LRP1: variants seen among roughly 807,000 people sequenced by gnomAD.
The protein encoded by LRP1 is LDL receptor related protein 1, also known as prolow-density lipoprotein receptor-related protein 1.
LRP1 carries 51 observed loss-of-function variants against 541.5 expected under a neutral mutation model. The ratio of observed to expected loss-of-function variants is 0.09; its 90% confidence interval spans 0.08 to 0.12. LRP1 has a LOEUF of 0.12. Ranked by LOEUF, LRP1 falls within the 10% of genes least tolerant of loss-of-function variation. The pLI, the probability that LRP1 is intolerant of heterozygous loss-of-function variation, is 1.00. For missense variants in LRP1, 3,878 were observed against 6,376.2 expected (o/e 0.61, Z 13.34); for synonymous variants, 2,219 against 2,470.8 (o/e 0.90, Z 3.02).
intron 43 of LRP1, 63 bp from the exon 44 acceptor site, chr12:57,191,257 T>G (rs1592646443): frequency 6.8e-7 from 1 of 1,477,912 alleles, no homozygotes; most frequent in African/African-American, 1.4e-5. Flanking sequence ...CAGGCTGTGG[T>G]CCGGTGGAGA....
chr12:57,176,443 C>T (rs1352550403), intron 24 of LRP1, among the ~76,000 whole-genome samples: 6 of 152,352 alleles, frequency 3.9e-5, no homozygotes, highest in Middle Eastern at 3.4e-3. Context: ...CAGCGTGGTG[C>T]ACCCCAGACT....
intron 49 of LRP1, 30 bp downstream of exon 49, chr12:57,194,533 T>A (rs773416068): frequency 6.2e-7 from 1 of 1,611,650 alleles, no homozygotes; most frequent in Admixed American, 1.7e-5. Context: ...TGGTGGGTGG[T>A]GGCCTGCGGT....
rs749545383 is a variant in LRP1 at position 57,195,921 on chromosome 12, C to T, written c.8619C>T (p.Ser2873=). The change falls in exon 54 of 89, where the codon TCC becomes TCT. Residue 2873 remains serine, a synonymous_variant. Coordinates refer to ENST00000243077, the MANE Select transcript of LRP1 (RefSeq NM_002332.3). Reference sequence around the variant, plus strand: ...GTGCCAATGGGCGCTGTCTGAGCTCCCGCCAGTGGGAGTGTGATGGCGAGA... The same window carrying T: ...GTGCCAATGGGCGCTGTCTGAGCTCTCGCCAGTGGGAGTGTGATGGCGAGA... The part of the protein sequence containing the change: ...FRCANGRCLS[S]RQWECDGEND... 5.6e-6 allele frequency: 9 copies of T among 1,613,764 alleles called. No individual in the cohort carries two copies. Among genetic ancestry groups the T allele is most frequent in the Non-Finnish European group, 7.6e-6 (9 of 1,180,018 alleles).
rs771171734 is a variant in LRP1 at position 57,179,182 on chromosome 12, CA to C, written c.4739-146del. On this transcript the variant is annotated intron_variant, in intron 28 of 88. Transcript: ENST00000243077. This position sits in a 1 kb window ranked among gnomAD's most constrained non-coding sequence, Gnocchi z 6.8. ...CTGTGAGAAGGGGCTGCAGGTCTGCCAGGGGGGCTGCACCCAGCGGGGTATG... is the reference window on the plus strand; with the variant it reads ...CTGTGAGAAGGGGCTGCAGGTCTGCCGGGGGGCTGCACCCAGCGGGGTATG... The C allele has an allele frequency of 2.0e-4, 234 of 1,191,946 alleles. 2 individuals are homozygous for C. Among genetic ancestry groups the C allele is most frequent in the South Asian group, 2.6e-4 (18 of 68,052 alleles). 73.8% of individuals were successfully genotyped at this position (1,191,946 alleles called of 1,614,324 possible). A position where few individuals can be genotyped will look rare whatever the true frequency, so the allele number is the denominator to read the frequency against.
At position 57,179,182 on chromosome 12, in the gene LRP1, C is replaced by T; in HGVS notation, c.4739-147C>T. On this transcript the variant is annotated intron_variant, in intron 28 of 88. Transcript: ENST00000243077. This position sits in a 1 kb window ranked among gnomAD's most constrained non-coding sequence, Gnocchi z 6.8. ...CTGTGAGAAGGGGCTGCAGGTCTGC[C>T]AGGGGGGCTGCACCCAGCGGGGTAT... 7.5e-6 allele frequency: 9 copies of T among 1,192,064 alleles called. No individual in the cohort carries two copies. In the Middle Eastern group the frequency reaches 1.1e-3, roughly 148 times the overall value. The allele number at this position is 1,192,064 out of a possible 1,614,324, so 73.8% of individuals were successfully genotyped here. A position where few individuals can be genotyped will look rare whatever the true frequency, so the allele number is the denominator to read the frequency against.
In LRP1 at chr12:57,199,113, AC is replaced by A. The variant is rs1050801961; in HGVS notation, c.9677-97del. 202 of 1,112,718 alleles carry A rather than the reference AC, an allele frequency of 1.8e-4. No individual in the cohort carries two copies. In the Middle Eastern group the frequency reaches 1.8e-3, roughly 10 times the overall value. The allele number at this position is 1,112,718 out of a possible 1,614,324, so 68.9% of individuals were successfully genotyped here. A position where few individuals can be genotyped will look rare whatever the true frequency, so the allele number is the denominator to read the frequency against. On this transcript the variant is annotated intron_variant, in intron 60 of 88. Coordinates refer to ENST00000243077, the MANE Select transcript of LRP1 (RefSeq NM_002332.3). The stretch of plus-strand genomic sequence containing the variant: ...CCATCTGTAACTGGGGCTGACACCC[AC>A]CTCTCAGGGTGGTGGTAGGGCTTGA...
chr12:57,203,153 TG>T, intron 68 of LRP1, 27 bp from the exon 69 acceptor site: 1 of 1,501,642 alleles, frequency 6.7e-7, no homozygotes, highest in Non-Finnish European at 9.0e-7. Context: ...CCCACCCTCC[TG>T]GGCCTGTCTC....
At chr12:57,144,040 A>C (rs530405252) in intron 4 of LRP1, among the ~76,000 whole-genome samples, 1 of 152,246 alleles carries the variant, frequency 6.6e-6, no homozygotes, top group Non-Finnish European at 1.5e-5. Context: ...GTAAAAAATT[A>C]GAGCATTAAC....
At chr12:57,187,641 T>A (rs564075133) in intron 42 of LRP1, among the ~76,000 whole-genome samples, 185 bp downstream of exon 42, 1 of 152,290 alleles carries the variant, frequency 6.6e-6, no homozygotes, top group East Asian at 1.9e-4. Flanking sequence ...TCTTCTGTGA[T>A]ACAAGCTGGC....
At chr12:57,136,402 C>CCA (rs1555179776) in intron 1 of LRP1, among the ~76,000 whole-genome samples, 2 of 146,592 alleles carry the variant, frequency 1.4e-5, no homozygotes, top group African/African-American at 5.0e-5. Context: ...AGAGCCCCCC[C>CCA]CCCCCGCCAT....
intron 11 of LRP1, among the ~76,000 whole-genome samples, chr12:57,159,296 G>A (rs1052962837): frequency 6.6e-6 from 1 of 152,122 alleles, no homozygotes; most frequent in African/African-American, 2.4e-5. Context: ...AAAATCAACA[G>A]TCAGCAATCA....
At chr12:57,150,244 TGCAGTGA>T (rs2035501856) in intron 6 of LRP1, among the ~76,000 whole-genome samples, 1 of 131,838 alleles carries the variant, frequency 7.6e-6, no homozygotes, top group African/African-American at 2.9e-5. Flanking sequence ...CAGGCTGGAG[TGCAGTGA>T]TGCAATCTTG....
At chr12:57,193,364 C>A in intron 46 of LRP1, 60 bp downstream of exon 46, 1 of 1,590,710 alleles carries the variant, frequency 6.3e-7, no homozygotes, top group Non-Finnish European at 8.5e-7. Flanking sequence ...CCTCCTCCCC[C>A]AGGCCCCTGC....
chr12:57,198,461 C>T lies in LRP1; in HGVS notation c.9471-4C>T, dbSNP rs1176832117. On this transcript the variant is annotated splice_polypyrimidine_tract_variant and splice_region_variant and intron_variant, in intron 59 of 88. Coordinates refer to ENST00000243077, the MANE Select transcript of LRP1 (RefSeq NM_002332.3). ...CCCAGGGCTCACTGCCTACCCATCGCCAGGTACCTGTACTGGACAGACTGG... is the reference window on the plus strand; with the variant it reads ...CCCAGGGCTCACTGCCTACCCATCGTCAGGTACCTGTACTGGACAGACTGG... 1 of 1,613,082 alleles carries T rather than the reference C, an allele frequency of 6.2e-7. No individual in the cohort carries two copies. Among genetic ancestry groups the T allele is most frequent in the East Asian group, 2.2e-5 (1 of 44,856 alleles).
intron 1 of LRP1, 84 bp downstream of exon 1, chr12:57,129,115 G>A (rs911673291): frequency 1.0e-5 from 14 of 1,377,536 alleles, no homozygotes; most frequent in Non-Finnish European, 1.3e-5. Flanking sequence ...GGGGAAGGGA[G>A]ACGCGGGAGG....
rs558933991 is a variant in LRP1, at chr12:57,165,619, A to G, written c.2531-186A>G. 36 of 607,170 alleles carry G rather than the reference A, an allele frequency of 5.9e-5. No individual in the cohort carries two copies. The highest frequency in any genetic ancestry group is 7.4e-4 in the Middle Eastern group (2 of 2,686). The allele number at this position is 607,170 out of a possible 1,614,324, so 37.6% of individuals were successfully genotyped here. ...AGCATTAAGTAGAGTAAACATCACT[A>G]TTGTTGCTTGGGAAAGAATTGCAGT... is the stretch of plus-strand genomic sequence containing the variant. On this transcript the variant is annotated intron_variant, in intron 15 of 88. Transcript: ENST00000243077. The surrounding 1 kb of genome is among the most constrained non-coding windows in gnomAD (Gnocchi z 4.5).
Position 57,197,337 on chromosome 12 carries a change from C to G in LRP1, c.9115C>G (p.Leu3039Val), listed in dbSNP as rs1183037782. Residue 3039 changes from leucine (L) to valine (V), a missense_variant, in exon 57 of 89, where the codon CTG (leucine) becomes GTG (valine). Physicochemically the swap from Leu to Val is conservative, Grantham distance 32 (BLOSUM62 1). Around this residue, in one of 13 missense-constraint regions of LRP1, gnomAD observed 1,100 missense variants for 1,827.4 expected, o/e 0.60. Transcript: ENST00000243077. This position sits in a 1 kb window ranked among gnomAD's most constrained non-coding sequence, Gnocchi z 4.5. ...PFLIFANRYY[L>V]RKLNLDGSNY... is the part of the protein sequence containing the mutation. ...TCTGATCTTCGCCAACCGGTACTAC[C>G]TGCGCAAGCTCAACCTGGACGGGTC... The G allele has an allele frequency of 1.2e-6, 2 of 1,614,012 alleles. No homozygotes were observed. The highest frequency in any genetic ancestry group is 2.7e-5 in the African/African-American group (2 of 74,918).
Position 57,211,078 on chromosome 12 carries a change from C to G in LRP1, c.12917-98C>G, listed in dbSNP as rs576623060. The G allele has an allele frequency of 1.4e-5, 20 of 1,449,642 alleles. No individual in the cohort carries two copies. In the African/African-American group the frequency reaches 2.4e-4, roughly 17 times the overall value. The allele number at this position is 1,449,642 out of a possible 1,614,324, so 89.8% of individuals were successfully genotyped here. A position where few individuals can be genotyped will look rare whatever the true frequency, so the allele number is the denominator to read the frequency against. On this transcript the variant is annotated intron_variant, in intron 83 of 88. Transcript: ENST00000243077. This position sits in a 1 kb window ranked among gnomAD's most constrained non-coding sequence, Gnocchi z 4.3. Reference sequence around the variant, plus strand: ...CACTTCCCCTGAGGCAGTGCACCCCCTGCACCAAGATTATGCAAACAGAAA... The same window carrying G: ...CACTTCCCCTGAGGCAGTGCACCCCGTGCACCAAGATTATGCAAACAGAAA...
At chr12:57,130,600 C>T (rs1190179663) in intron 1 of LRP1, among the ~76,000 whole-genome samples, 1 of 151,966 alleles carries the variant, frequency 6.6e-6, no homozygotes, top group African/African-American at 2.4e-5. Context: ...GGGTTGCAGC[C>T]GCTTCTGGGA....
Sources: allele counts gnomAD v4.1 joint callset (sites outside exome capture counted in the v4.1 genomes callset), GRCh38; gene constraint gnomAD v4.1.1; regional missense constraint gnomAD v4.1.1; non-coding constraint Gnocchi (gnomAD v3.1); transcripts MANE v1.5; gene names NCBI Gene and HGNC (gene_info 2026-07-23, HGNC 2026-07-21).